BBS9: variants seen among roughly 807,000 people sequenced by gnomAD.
BBS9 encodes protein PTHB1.
Under a neutral mutation model 117.7 loss-of-function variants are expected in BBS9, and 89 were observed. The ratio of observed to expected loss-of-function variants is 0.76; its 90% CI spans 0.64 to 0.90. BBS9 has a LOEUF of 0.90. Among genes scored for constraint, BBS9 ranks in the 40% least tolerant of loss-of-function variants. BBS9 has a pLI of 0.00. For missense variants in BBS9, 982 were observed against 1,042.2 expected, an observed-to-expected ratio of 0.94 and a Z score of 0.80; for synonymous variants, 379 against 370.9, an observed-to-expected ratio of 1.02 and a Z score of -0.25.
chr7:33,165,001 G>T (rs141923272), intron 4 of BBS9, among the ~76,000 whole-genome samples: 9 of 152,230 alleles, frequency 5.9e-5, no homozygotes, highest in Non-Finnish European at 1.3e-4. Context: ...GCTTCCTTGA[G>T]GAGCTCTTGT....
intron 5 of BBS9, among the ~76,000 whole-genome samples, chr7:33,256,374 C>G (rs563719143): frequency 2.6e-4 from 39 of 152,236 alleles, no homozygotes; most frequent in African/African-American, 8.2e-4. Context: ...AATACTTATC[C>G]TAGAACATCT....
rs367892028 is a variant in BBS9 at position 33,146,380 on chromosome 7, C to G, written c.112+16C>G. 2.5e-6 allele frequency: 4 copies of G among 1,576,260 alleles called. No homozygotes were observed. The highest frequency in any genetic ancestry group is 1.3e-5 in the African/African-American group (1 of 74,150). On this transcript the variant is annotated intron_variant, in intron 2 of 22. Transcript: ENST00000242067. ...AATGGACAAGGTAAGCAACTTACAA[C>G]CATACATCTTGGATGAAAGTTTTAA...
intron 19 of BBS9, among the ~76,000 whole-genome samples, chr7:33,388,712 G>A: frequency 6.6e-6 from 1 of 151,956 alleles, no homozygotes; most frequent in East Asian, 1.9e-4. Flanking sequence ...CACTCTTAAG[G>A]CACTGTCTCT....
At chr7:33,482,627 A>C (rs181906876) in intron 19 of BBS9, among the ~76,000 whole-genome samples, 1 of 152,352 alleles carries the variant, frequency 6.6e-6, no homozygotes, top group Admixed American at 6.5e-5. Context: ...CATTTCTTTC[A>C]ATTTAAGAGT....
chr7:33,171,682 C>T (rs147630304), intron 4 of BBS9, among the ~76,000 whole-genome samples: 1,927 of 152,042 alleles, frequency 0.013, 33 homozygotes, highest in African/African-American at 0.043. Context: ...ATAACATCAA[C>T]GTATACAGAC....
intron 17 of BBS9, among the ~76,000 whole-genome samples, chr7:33,369,095 T>G (rs978903567): frequency 2.6e-5 from 4 of 152,194 alleles, no homozygotes; most frequent in Non-Finnish European, 5.9e-5. Flanking sequence ...AAATGTATAG[T>G]TCAATATTGC....
chr7:33,162,148 C>T (rs1164948286), intron 4 of BBS9, among the ~76,000 whole-genome samples: 27 of 152,064 alleles, frequency 1.8e-4, no homozygotes. Flanking sequence ...AATGATATTG[C>T]CTAGGTTTTC....
intron 21 of BBS9, among the ~76,000 whole-genome samples, chr7:33,539,889 A>G (rs143772378): frequency 4.7e-4 from 72 of 152,298 alleles, no homozygotes; most frequent in Non-Finnish European, 1.8e-4. Flanking sequence ...GTAATTTCCT[A>G]CAGTCAGTGA....
At chr7:33,208,051 C>T (rs1000632625) in intron 5 of BBS9, among the ~76,000 whole-genome samples, 5 of 152,114 alleles carry the variant, frequency 3.3e-5, no homozygotes, top group Non-Finnish European at 7.4e-5. Flanking sequence ...TCAGGTGATC[C>T]ACCCGCCTTG....
At chr7:33,302,155 C>T (rs1371180810) in intron 9 of BBS9, among the ~76,000 whole-genome samples, 1 of 151,922 alleles carries the variant, frequency 6.6e-6, no homozygotes, top group African/African-American at 2.4e-5. Context: ...GTTGTTAGAG[C>T]TCCTTATATA....
chr7:33,390,659 G>C (rs3779239), intron 19 of BBS9: 1 of 922,042 alleles, frequency 1.1e-6, no homozygotes, highest in Non-Finnish European at 1.3e-6. Context: ...CGTTTAGTCA[G>C]TTTTTTAATG....
intron 20 of BBS9, among the ~76,000 whole-genome samples, chr7:33,511,056 A>G (rs1356965735): frequency 6.6e-6 from 1 of 152,166 alleles, no homozygotes; most frequent in African/African-American, 2.4e-5. Context: ...AAGCTGGCAC[A>G]AGTGATGCTG....
intron 19 of BBS9, among the ~76,000 whole-genome samples, chr7:33,485,873 C>A (rs977642084): frequency 6.6e-6 from 1 of 152,152 alleles, no homozygotes; most frequent in African/African-American, 2.4e-5. Flanking sequence ...ATGGAGATAG[C>A]TGGTCACCTC....
At chr7:33,492,811 A>AGTGTGTGTGT (rs57870306) in intron 19 of BBS9, among the ~76,000 whole-genome samples, 1,821 of 131,636 alleles carry the variant, frequency 0.014, 37 homozygotes, top group African/African-American at 0.03. Context: ...TATAGGAGTG[A>AGTGTGTGTGT]GTGTGTGTGT....
At chr7:33,329,697 C>T (rs1435938712) in intron 9 of BBS9, among the ~76,000 whole-genome samples, 1 of 151,992 alleles carries the variant, frequency 6.6e-6, no homozygotes, top group Non-Finnish European at 1.5e-5. Flanking sequence ...CTAAAATGTT[C>T]TCTAAAAGGA....
chr7:33,466,150 T>C (rs1840130667), intron 19 of BBS9, among the ~76,000 whole-genome samples: 1 of 152,140 alleles, frequency 6.6e-6, no homozygotes, highest in African/African-American at 2.4e-5. Flanking sequence ...TAGATTTTTT[T>C]GTGTGTAGTG....
chr7:33,222,229 A>C (rs1489585687), intron 5 of BBS9, among the ~76,000 whole-genome samples: 1 of 152,118 alleles, frequency 6.6e-6, no homozygotes, highest in African/African-American at 2.4e-5. Flanking sequence ...ATGCGGTTAT[A>C]CCTTTTTAGA....
chr7:33,437,081 T>C (rs529851456), intron 19 of BBS9, among the ~76,000 whole-genome samples: 1 of 152,354 alleles, frequency 6.6e-6, no homozygotes, highest in South Asian at 2.1e-4. Flanking sequence ...AAGTGTCAAT[T>C]GGACCAGTCT....
chr7:33,259,173 T>G (rs879159051), intron 6 of BBS9, among the ~76,000 whole-genome samples: 2 of 152,234 alleles, frequency 1.3e-5, no homozygotes, highest in Admixed American at 6.5e-5. Context: ...GAGGCTTTAT[T>G]AAATCTGTCT....
Sources: allele counts gnomAD v4.1 joint callset (sites outside exome capture counted in the v4.1 genomes callset), GRCh38; gene constraint gnomAD v4.1.1; transcripts MANE v1.5; gene names NCBI Gene and HGNC (gene_info 2026-07-23, HGNC 2026-07-21).